ZC3H8: variants seen among roughly 807,000 people sequenced by gnomAD.
The protein encoded by ZC3H8 is zinc finger CCCH-type containing 8.
A neutral mutation model predicts 42.5 loss-of-function variants in ZC3H8; 27 were observed. That is an observed-to-expected ratio of 0.64 (90% CI 0.47 to 0.88). ZC3H8 has a LOEUF of 0.88. Ranked by LOEUF, ZC3H8 falls within the 40% of genes least tolerant of loss-of-function variation. The pLI, the probability that ZC3H8 is intolerant of heterozygous loss-of-function variation, is 0.00. For synonymous variants in ZC3H8, 101 were observed against 110.1 expected, an observed-to-expected ratio of 0.92 and a Z score of 0.52; for missense variants, 277 against 336.1, an observed-to-expected ratio of 0.82 and a Z score of 1.37.
In ZC3H8 at chr2:112,234,252, C is replaced by T. The variant is rs1002998441; in HGVS notation, c.505-16G>A. 6.6e-7 allele frequency: 1 copy of T among 1,522,438 alleles called. No homozygotes were observed. Among genetic ancestry groups the T allele is most frequent in the Non-Finnish European group, 8.9e-7 (1 of 1,120,880 alleles). The allele number at this position is 1,522,438 out of a possible 1,614,324, so 94.3% of individuals were successfully genotyped here. A position where few individuals can be genotyped will look rare whatever the true frequency, so the allele number is the denominator to read the frequency against. ...GTTTACCATCCTTTAAAAACAAAAA[C>T]AAAAAAACTAAATGTAAGAAACAGA... On this transcript the variant is annotated splice_polypyrimidine_tract_variant and intron_variant, in intron 4 of 8. Transcript: ENST00000409573.
rs60734001 is a variant in ZC3H8 at position 112,226,605 on chromosome 2, A to AAAAAAAAAAG, written c.*15+4297_*15+4298insCTTTTTTTTT. ...ACTCCATCTCAAAAAAAAAAAAAAA[A>AAAAAAAAAAG]GCTCAGGCCCAGTTGTCTTACTGGT... On this transcript the variant is annotated intron_variant, in intron 8 of 8. Transcript: ENST00000409573. Among the ~76,000 whole-genome samples the AAAAAAAAAAG allele has an allele frequency of 9.3e-4, 140 of 150,112 alleles. 1 individual carries two copies. The highest frequency in any genetic ancestry group is 3.4e-3 in the African/African-American group (137 of 40,692).
chr2:112,228,953 T>C (rs1009048568), intron 8 of ZC3H8, among the ~76,000 whole-genome samples: 2 of 152,040 alleles, frequency 1.3e-5, no homozygotes, highest in Non-Finnish European at 2.9e-5. Context: ...CATGAAAAGA[T>C]GTTCATAGTC....
intron 3 of ZC3H8, among the ~76,000 whole-genome samples, 160 bp downstream of exon 3, chr2:112,238,155 G>A (rs1288002023): frequency 1.3e-5 from 2 of 152,118 alleles, no homozygotes; most frequent in African/African-American, 4.8e-5. Context: ...GGTCTCAGAT[G>A]GGGTCTCTGG....
chr2:112,225,268 A>G (rs1212222690), intron 8 of ZC3H8, among the ~76,000 whole-genome samples: 2 of 152,206 alleles, frequency 1.3e-5, no homozygotes, highest in African/African-American at 4.8e-5. Flanking sequence ...AAAATATGCA[A>G]CCCACTGGGG....
At chr2:112,253,683 T>A (rs1686032436) in intron 1 of ZC3H8, among the ~76,000 whole-genome samples, 1 of 152,254 alleles carries the variant, frequency 6.6e-6, no homozygotes, top group African/African-American at 2.4e-5. Flanking sequence ...TGTATTGCAG[T>A]CAAGTTTTGG....
Position 112,215,026 on chromosome 2 carries a change from T to C in ZC3H8, c.*1458A>G, listed in dbSNP as rs535973767. 6.6e-5 allele frequency: 10 copies of C among 152,172 alleles called. No homozygotes were observed. The highest frequency in any genetic ancestry group is 1.5e-4 in the Non-Finnish European group (10 of 67,996). The allele number at this position is 152,172 out of a possible 1,614,324, so 9.4% of individuals were successfully genotyped here. A position where few individuals can be genotyped will look rare whatever the true frequency, so the allele number is the denominator to read the frequency against. On this transcript the variant is annotated 3_prime_UTR_variant, in exon 9 of 9. Coordinates refer to ENST00000409573, the MANE Select transcript of ZC3H8 (RefSeq NM_032494.3). ...TGAGATGGGTACTGCCTCAGAAATA[T>C]AACAATTATTTTTTTCCTTATATAT...
At chr2:112,254,882 C>A in intron 1 of ZC3H8, 26 bp downstream of exon 1, 2 of 1,611,414 alleles carry the variant, frequency 1.2e-6, no homozygotes, top group Non-Finnish European at 1.7e-6. Flanking sequence ...CCCCTGCATT[C>A]AAAAGATGAA....
chr2:112,227,688 C>T (rs890494501), intron 8 of ZC3H8, among the ~76,000 whole-genome samples: 9 of 152,130 alleles, frequency 5.9e-5, no homozygotes, highest in South Asian at 2.1e-4. Context: ...TACCAATGAA[C>T]AACTAAAAAT....
intron 8 of ZC3H8, among the ~76,000 whole-genome samples, chr2:112,225,918 C>T (rs1684803746): frequency 6.6e-6 from 1 of 151,992 alleles, no homozygotes; most frequent in South Asian, 2.1e-4. Context: ...CCCATCTCTA[C>T]TAAAAATACA....
At chr2:112,246,283 T>C (rs570023536) in intron 2 of ZC3H8, among the ~76,000 whole-genome samples, 1 of 152,236 alleles carries the variant, frequency 6.6e-6, no homozygotes, top group Admixed American at 6.5e-5. Flanking sequence ...CTGCAGCTTA[T>C]GGATCACGGA....
At chr2:112,243,578 C>T (rs1036337853) in intron 2 of ZC3H8, among the ~76,000 whole-genome samples, 38 of 152,054 alleles carry the variant, frequency 2.5e-4, no homozygotes, top group Admixed American at 1.0e-3. Flanking sequence ...AATTACCTCA[C>T]AAAGAAGAAT....
At chr2:112,241,298 A>T (rs1485628827) in intron 2 of ZC3H8, among the ~76,000 whole-genome samples, 1 of 152,180 alleles carries the variant, frequency 6.6e-6, no homozygotes, top group Admixed American at 6.5e-5. Context: ...AATGTCTGGT[A>T]AAAGCTAAGA....
At chr2:112,247,887 A>G (rs1327222749) in intron 2 of ZC3H8, among the ~76,000 whole-genome samples, 2 of 152,186 alleles carry the variant, frequency 1.3e-5, no homozygotes, top group Non-Finnish European at 2.9e-5. Flanking sequence ...TGAAGTTGCA[A>G]TTTCTTGTCG....
rs796530648 is a variant in ZC3H8 at position 112,226,153 on chromosome 2, C to T, written c.*15+4750G>A. The stretch of plus-strand genomic sequence containing the variant: ...TAAGACAATACTATAAACAAATTTA[C>T]GCCAACAAAGTAGACAACTTAGATG... On this transcript the variant is annotated intron_variant, in intron 8 of 8. Transcript: ENST00000409573. Among the ~76,000 whole-genome samples the T allele has an allele frequency of 1.8e-4, 27 of 150,492 alleles. 1 individual carries two copies. The highest frequency in any genetic ancestry group is 5.4e-4 in the African/African-American group (22 of 41,060).
intron 1 of ZC3H8, chr2:112,254,170 AAATC>A: frequency 1.0e-6 from 1 of 984,810 alleles, no homozygotes; most frequent in Non-Finnish European, 1.2e-6. Flanking sequence ...TCGAATGGTA[AAATC>A]AATCACAACT....
At chr2:112,231,970 G>T in intron 6 of ZC3H8, 23 bp from the exon 7 acceptor site, 1 of 1,329,378 alleles carries the variant, frequency 7.5e-7, no homozygotes, top group South Asian at 1.4e-5. Flanking sequence ...TTAAGGAAGA[G>T]AACAATTTTA....
In ZC3H8 at chr2:112,250,269, G is replaced by A. The variant is rs762242170; in HGVS notation, c.78C>T (p.Ile26=). 3.0e-5 allele frequency: 47 copies of A among 1,547,298 alleles called. No homozygotes were observed. In the East Asian group the frequency reaches 6.1e-4, roughly 20 times the overall value. Residue 26 remains isoleucine, a synonymous_variant, in exon 2 of 9, where the codon ATC becomes ATT. Transcript: ENST00000409573. ...GKTATDSDER[I]DDEIDTEVEE... is the part of the protein sequence containing the mutation. ...CAACTTCTGTATCTATTTCATCATC[G>A]ATTCTGTAGCAAAAATATCAAATAA...
At chr2:112,254,143 T>C in intron 1 of ZC3H8, 20 of 985,282 alleles carry the variant, frequency 2.0e-5, no homozygotes, top group Non-Finnish European at 2.4e-5. Context: ...TGAGATAGAG[T>C]GAACAGCTGA....
intron 4 of ZC3H8, among the ~76,000 whole-genome samples, chr2:112,234,967 C>G (rs1366505801): frequency 6.6e-6 from 1 of 151,988 alleles, no homozygotes; most frequent in Non-Finnish European, 1.5e-5. Context: ...GTGAGTTGAG[C>G]ACACTTATCA....
Sources: gnomAD v4.1 joint callset for allele counts (sites outside exome capture counted in the v4.1 genomes callset) on GRCh38, gnomAD v4.1.1 for gene constraint, MANE v1.5 for transcripts, NCBI Gene and HGNC (gene_info 2026-07-23, HGNC 2026-07-21) for gene names.